Variants in BCAS3 observed in about 807,000 individuals in gnomAD.
BCAS3 encodes BCAS3 microtubule associated cell migration factor, also known as BCAS4/BCAS3 fusion.
BCAS3 carries 53 observed loss-of-function variants against 116.1 expected under a neutral mutation model. That is an observed-to-expected ratio of 0.46 (90% CI 0.37 to 0.57). BCAS3 has a LOEUF of 0.57. Among genes scored for constraint, BCAS3 ranks in the 20% least tolerant of loss-of-function variants. The pLI, the probability that BCAS3 is intolerant of heterozygous loss-of-function variation, is 0.00. For synonymous variants in BCAS3, 391 were observed against 408.2 expected, an observed-to-expected ratio of 0.96 and a Z score of 0.51; for missense variants, 917 against 1,165.4, an observed-to-expected ratio of 0.79 and a Z score of 3.10.
chr17:60,808,450 AC>A (rs2048488481), intron 7 of BCAS3, among the ~76,000 whole-genome samples: 1 of 152,220 alleles, frequency 6.6e-6, no homozygotes. Flanking sequence ...TAGGTTGGCT[AC>A]TAGCAGTCTT....
chr17:60,891,712 G>C (rs1172564782), intron 10 of BCAS3: 1 of 455,892 alleles, frequency 2.2e-6, no homozygotes, highest in African/African-American at 2.0e-5. Context: ...CAGGTATATT[G>C]TGTAAGGGTG....
rs75547983 is a variant in BCAS3 at position 60,902,677 on chromosome 17, A to G, written c.796A>G (p.Thr266Ala). ...GACGDNIQSY[T>A]ATVISAAKTL... is the part of the protein sequence containing the mutation. ...CTGTGGAGACAACATTCAGTCTTAT[A>G]CTGCCACAGTCATTAGTGCTGCTAA... is the stretch of plus-strand genomic sequence containing the variant. The change falls in exon 11 of 24, where the codon ACT becomes GCT. Residue 266 changes from threonine (T) to alanine (A), a missense_variant. By Grantham distance (58) the Thr-to-Ala change is moderately conservative (BLOSUM62 0). This residue lies in a region of BCAS3 where 807 missense variants were observed against 1,026.0 expected (regional missense o/e 0.79). Coordinates refer to ENST00000407086, the MANE Select transcript of BCAS3 (RefSeq NM_017679.5). The G allele has an allele frequency of 1.1e-5, 18 of 1,612,256 alleles. No individual in the cohort carries two copies. Among genetic ancestry groups the G allele is most frequent in the Non-Finnish European group, 1.4e-5 (16 of 1,178,260 alleles).
chr17:61,229,579 A>T lies in BCAS3; in HGVS notation c.2426-138748A>T, dbSNP rs921349685. On this transcript the variant is annotated intron_variant, in intron 22 of 23. Transcript: ENST00000407086. This position sits in a 1 kb window ranked among gnomAD's most constrained non-coding sequence, Gnocchi z 4.4. ...TACACAATGGCAATTAAATGTCAAC[A>T]TTCATTTTGAAGGGGATGCTCAAAC... Among the ~76,000 whole-genome samples the T allele has an allele frequency of 6.6e-6, 1 of 152,242 alleles. No individual in the cohort carries two copies. Among genetic ancestry groups the T allele is most frequent in the Admixed American group, 6.5e-5 (1 of 15,286 alleles).
At chr17:60,772,571 C>T (rs567163032) in intron 6 of BCAS3, among the ~76,000 whole-genome samples, 17 of 152,098 alleles carry the variant, frequency 1.1e-4, no homozygotes, top group African/African-American at 3.4e-4. Context: ...ATTTGAGTGA[C>T]GGATATCTTT....
chr17:60,911,107 TTTTCTTTTTTTC>T (rs1186932305), intron 12 of BCAS3, among the ~76,000 whole-genome samples: 2 of 77,170 alleles, frequency 2.6e-5, no homozygotes, highest in African/African-American at 1.3e-4. Context: ...TAATAAATTT[TTTTCTTTTTTTC>T]TTTCTTTTTT....
intron 7 of BCAS3, among the ~76,000 whole-genome samples, chr17:60,850,912 C>T (rs1025232309): frequency 3.5e-4 from 54 of 152,140 alleles, no homozygotes; most frequent in African/African-American, 1.3e-3. Context: ...CAGTGCAATT[C>T]CTATAAAAAT....
chr17:61,331,240 G>A (rs1454549105), intron 22 of BCAS3, among the ~76,000 whole-genome samples: 1 of 152,186 alleles, frequency 6.6e-6, no homozygotes, highest in African/African-American at 2.4e-5. Context: ...CTTTTTGGCT[G>A]GACAGTTGCC....
chr17:60,683,949 C>T (rs1407456743), intron 2 of BCAS3, 33 bp from the exon 3 acceptor site: 15 of 1,583,894 alleles, frequency 9.5e-6, no homozygotes, highest in Non-Finnish European at 1.3e-5. Context: ...TTAAGCTCTC[C>T]TGACCAGTGT....
In BCAS3 at chr17:60,960,447, TC is replaced by T. The variant is rs2061359965; in HGVS notation, c.1221+13096del. ...GTAGGATATGCGTAGGATAGACATTTCAAAAGGAAGAAATGGAAAAGAATAA... is the reference window on the plus strand; with the variant it reads ...GTAGGATATGCGTAGGATAGACATTTAAAAGGAAGAAATGGAAAAGAATAA... On this transcript the variant is annotated intron_variant, in intron 14 of 23. Transcript: ENST00000407086. The surrounding 1 kb of genome is among the most constrained non-coding windows in gnomAD (Gnocchi z 4.1). Among the ~76,000 whole-genome samples, 1 of 152,140 alleles carries T rather than the reference TC, an allele frequency of 6.6e-6. No homozygotes were observed. The highest frequency in any genetic ancestry group is 6.5e-5 in the Admixed American group (1 of 15,270).
At chr17:61,257,503 A>G (rs2048883524) in intron 22 of BCAS3, among the ~76,000 whole-genome samples, 1 of 152,084 alleles carries the variant, frequency 6.6e-6, no homozygotes, top group African/African-American at 2.4e-5. Flanking sequence ...ACTTTTACCA[A>G]GCCACCTTCC....
intron 7 of BCAS3, among the ~76,000 whole-genome samples, chr17:60,816,481 G>A (rs777027911): frequency 1.8e-4 from 27 of 151,836 alleles, no homozygotes; most frequent in Non-Finnish European, 3.1e-4. Context: ...CACCATTTTG[G>A]CCAGGATGGT....
intron 22 of BCAS3, among the ~76,000 whole-genome samples, chr17:61,169,535 A>T (rs1479514418): frequency 6.6e-6 from 1 of 152,076 alleles, no homozygotes; most frequent in African/African-American, 2.4e-5. Flanking sequence ...GGCCTCCCAA[A>T]GTGCTAGGAT....
intron 22 of BCAS3, among the ~76,000 whole-genome samples, chr17:61,210,601 C>G (rs962414046): frequency 6.6e-6 from 1 of 152,194 alleles, no homozygotes; most frequent in Non-Finnish European, 1.5e-5. Context: ...GGAACTGTCA[C>G]TGAAATTGCT....
At position 61,161,424 on chromosome 17, in the gene BCAS3, C is replaced by G. The variant is rs2078161236; in HGVS notation, c.2425+76860C>G. 6.6e-6 allele frequency among the ~76,000 whole-genome samples: 1 copy of G among 152,212 alleles called. No individual in the cohort carries two copies. Among genetic ancestry groups the G allele is most frequent in the African/African-American group, 2.4e-5 (1 of 41,450 alleles). On this transcript the variant is annotated intron_variant, in intron 22 of 23. Coordinates refer to ENST00000407086, the MANE Select transcript of BCAS3 (RefSeq NM_017679.5). The surrounding 1 kb of genome is among the most constrained non-coding windows in gnomAD (Gnocchi z 4.8). Reference sequence around the variant, plus strand: ...CCCACTTGTTGCATTTAATTTAAAGCAGTTGTCCCAATTTCATTACCACAG... The same window carrying G: ...CCCACTTGTTGCATTTAATTTAAAGGAGTTGTCCCAATTTCATTACCACAG...
At position 61,356,979 on chromosome 17, in the gene BCAS3, G is replaced by T. The variant is rs994952762; in HGVS notation, c.2426-11348G>T. 2 of 152,190 alleles carry T rather than the reference G, an allele frequency of 1.3e-5. No individual in the cohort carries two copies. Among genetic ancestry groups the T allele is most frequent in the African/African-American group, 4.8e-5 (2 of 41,458 alleles). The allele number at this position is 152,190 out of a possible 1,614,324, so 9.4% of individuals were successfully genotyped here. Reference sequence around the variant, plus strand: ...CACAGGACTTGACAGAGGAGGCATCGCAGCAAGGTCAGGTGCCTCCCGTGC... The same window carrying T: ...CACAGGACTTGACAGAGGAGGCATCTCAGCAAGGTCAGGTGCCTCCCGTGC... On this transcript the variant is annotated intron_variant, in intron 22 of 23. Coordinates refer to ENST00000407086, the MANE Select transcript of BCAS3 (RefSeq NM_017679.5). This position sits in a 1 kb window ranked among gnomAD's most constrained non-coding sequence, Gnocchi z 5.4.
chr17:61,340,971 G>A (rs887176707), intron 22 of BCAS3, among the ~76,000 whole-genome samples: 2 of 152,236 alleles, frequency 1.3e-5, no homozygotes, highest in Non-Finnish European at 1.5e-5. Context: ...CCATGGCAGT[G>A]AGTGGCAGAG....
chr17:60,700,185 A>AAAAAAAAAAAAAAAAAAAAAAAAAAAG (rs1319555739), intron 4 of BCAS3, among the ~76,000 whole-genome samples: 1 of 147,062 alleles, frequency 6.8e-6, no homozygotes, highest in African/African-American at 2.7e-5. Context: ...AAAAAAAAAA[A>AAAAAAAAAAAAAAAAAAAAAAAAAAAG]GAAGCAGTTC....
chr17:61,320,219 T>C (rs2055095573), intron 22 of BCAS3, among the ~76,000 whole-genome samples: 1 of 152,032 alleles, frequency 6.6e-6, no homozygotes, highest in Admixed American at 6.6e-5. Context: ...GCATTTATTA[T>C]GAGAACTTTT....
chr17:60,946,128 A>G (rs1245594169), intron 13 of BCAS3, among the ~76,000 whole-genome samples: 1 of 152,198 alleles, frequency 6.6e-6, no homozygotes, highest in Non-Finnish European at 1.5e-5. Context: ...AAAAAGATAT[A>G]GGCCTACACA....
Sources: allele counts gnomAD v4.1 joint callset (sites outside exome capture counted in the v4.1 genomes callset), GRCh38; gene constraint gnomAD v4.1.1; regional missense constraint gnomAD v4.1.1; non-coding constraint Gnocchi (gnomAD v3.1); transcripts MANE v1.5; gene names NCBI Gene and HGNC (gene_info 2026-07-23, HGNC 2026-07-21).